The following CSGALNACT1 variants were observed in gnomAD, a reference collection of about 807,000 sequenced individuals.
CSGALNACT1 encodes the protein beta4GalNAcT-1.
Under a neutral mutation model 51.0 loss-of-function variants are expected in CSGALNACT1, and 52 were observed. The ratio of observed to expected loss-of-function variants is 1.02; its 90% CI spans 0.82 to 1.29. The LOEUF is 1.29. Ranked by LOEUF, CSGALNACT1 falls within the 50% of genes most tolerant of loss-of-function variation. The pLI, the probability that CSGALNACT1 is intolerant of heterozygous loss-of-function variation, is 0.00. For synonymous variants in CSGALNACT1, 341 were observed against 254.4 expected, an observed-to-expected ratio of 1.34 and a Z score of -3.24; for missense variants, 935 against 679.2, an observed-to-expected ratio of 1.38 and a Z score of -4.19.
At chr8:19,469,509 T>C (rs2067587164) in intron 4 of CSGALNACT1, among the ~76,000 whole-genome samples, 1 of 152,178 alleles carries the variant, frequency 6.6e-6, no homozygotes, top group South Asian at 2.1e-4. Flanking sequence ...CTGGGATAGA[T>C]TTGAAAAATG....
chr8:19,584,340 G>A (rs1278085894), intron 3 of CSGALNACT1, among the ~76,000 whole-genome samples: 2 of 152,122 alleles, frequency 1.3e-5, no homozygotes, highest in Non-Finnish European at 2.9e-5. Context: ...ACTCATACTG[G>A]GCCTTTGCAA....
At chr8:19,458,995 T>A (rs2064767212) in intron 4 of CSGALNACT1, among the ~76,000 whole-genome samples, 2 of 152,208 alleles carry the variant, frequency 1.3e-5, no homozygotes, top group African/African-American at 2.4e-5. Flanking sequence ...TTTTTTCTTT[T>A]CTTCTAGTAT....
intron 1 of CSGALNACT1, among the ~76,000 whole-genome samples, chr8:19,643,934 T>C (rs2056996139): frequency 6.6e-6 from 1 of 152,218 alleles, no homozygotes; most frequent in Non-Finnish European, 1.5e-5. Flanking sequence ...CTAGTAATTT[T>C]ACTTTGAGGA....
chr8:19,595,644 G>A (rs1464046096), intron 2 of CSGALNACT1, among the ~76,000 whole-genome samples: 2 of 151,766 alleles, frequency 1.3e-5, no homozygotes, highest in African/African-American at 2.4e-5. Flanking sequence ...GGCCAGACAT[G>A]GTGGCTCACA....
chr8:19,474,614 T>C (rs1489836851), intron 4 of CSGALNACT1, among the ~76,000 whole-genome samples: 1 of 151,932 alleles, frequency 6.6e-6, no homozygotes, highest in Admixed American at 6.6e-5. Context: ...ACACCTATAA[T>C]CCCAACACTT....
At chr8:19,632,582 A>C (rs764292994) in intron 1 of CSGALNACT1, among the ~76,000 whole-genome samples, 6 of 152,230 alleles carry the variant, frequency 3.9e-5, no homozygotes, top group Non-Finnish European at 7.3e-5. Context: ...CTTAACCCGC[A>C]GCTATCTACA....
At chr8:19,741,130 A>C (rs1009486946) in intron 1 of CSGALNACT1, among the ~76,000 whole-genome samples, 1 of 152,226 alleles carries the variant, frequency 6.6e-6, no homozygotes, top group Admixed American at 6.5e-5. Flanking sequence ...GTGGCAGTCC[A>C]GTGGCACAGA....
rs1554650175 is a variant in CSGALNACT1 at position 19,513,436 on chromosome 8, CTATATATATA to C, written c.-296-7316_-296-7307del. Among the ~76,000 whole-genome samples the C allele has an allele frequency of 2.1e-4, 17 of 81,980 alleles. 1 individual carries two copies. The highest frequency in any genetic ancestry group is 1.7e-3 in the South Asian group (4 of 2,288). 53.8% of individuals were successfully genotyped at this position (81,980 alleles called of 152,430 possible). A position where few individuals can be genotyped will look rare whatever the true frequency, so the allele number is the denominator to read the frequency against. On this transcript the variant is annotated intron_variant, in intron 3 of 9. Coordinates refer to ENST00000454498, the Ensembl canonical transcript of CSGALNACT1. The stretch of plus-strand genomic sequence containing the variant: ...TCTCACTCTCTCTCTCTCTCTCTCT[CTATATATATA>C]TATATATATATATATATTTTGTGCC...
At chr8:19,455,266 A>G (rs888759366) in intron 5 of CSGALNACT1, among the ~76,000 whole-genome samples, 1 of 152,262 alleles carries the variant, frequency 6.6e-6, no homozygotes, top group Admixed American at 6.5e-5. Context: ...TCTTTAAACA[A>G]AATATAAAAC....
intron 1 of CSGALNACT1, among the ~76,000 whole-genome samples, chr8:19,667,450 A>G (rs1460300090): frequency 6.6e-6 from 1 of 152,142 alleles, no homozygotes; most frequent in African/African-American, 2.4e-5. Flanking sequence ...AACAAAAATC[A>G]AGACATTATT....
intron 3 of CSGALNACT1, among the ~76,000 whole-genome samples, chr8:19,530,319 C>A (rs1294465298): frequency 1.1e-5 from 1 of 90,750 alleles, no homozygotes; most frequent in African/African-American, 6.0e-5. Flanking sequence ...CATACACACA[C>A]ACACACACAC....
At chr8:19,716,940 G>A (rs2062845722) in intron 1 of CSGALNACT1, among the ~76,000 whole-genome samples, 1 of 152,172 alleles carries the variant, frequency 6.6e-6, no homozygotes, top group East Asian at 1.9e-4. Flanking sequence ...CTAAGGGTCT[G>A]CAATCCTACA....
intron 4 of CSGALNACT1, among the ~76,000 whole-genome samples, chr8:19,469,788 G>A (rs986219924): frequency 6.6e-6 from 1 of 152,248 alleles, no homozygotes; most frequent in South Asian, 2.1e-4. Context: ...CCCATTCTGG[G>A]TTTTTCATCG....
At chr8:19,609,391 C>G (rs1056601055) in intron 1 of CSGALNACT1, among the ~76,000 whole-genome samples, 1 of 149,138 alleles carries the variant, frequency 6.7e-6, no homozygotes, top group African/African-American at 2.5e-5. Flanking sequence ...ATGGGAAACA[C>G]AGATGTTTCC....
intron 3 of CSGALNACT1, among the ~76,000 whole-genome samples, chr8:19,590,718 C>T (rs916295597): frequency 8.1e-5 from 11 of 135,334 alleles, no homozygotes; most frequent in South Asian, 2.4e-4. Flanking sequence ...GGCGCGATCT[C>T]GGCTCACTGC....
chr8:19,538,866 T>A (rs191422960), intron 3 of CSGALNACT1, among the ~76,000 whole-genome samples: 2 of 152,190 alleles, frequency 1.3e-5, no homozygotes, highest in Admixed American at 1.3e-4. Flanking sequence ...CCTACCAAGG[T>A]CAACCTTGCC....
intron 1 of CSGALNACT1, among the ~76,000 whole-genome samples, chr8:19,708,586 A>G (rs2062319219): frequency 6.6e-6 from 1 of 152,206 alleles, no homozygotes; most frequent in Non-Finnish European, 1.5e-5. Context: ...CACATCCTCA[A>G]GGTATGTGTG....
chr8:19,463,489 C>A (rs918844200), intron 4 of CSGALNACT1, among the ~76,000 whole-genome samples: 1 of 152,058 alleles, frequency 6.6e-6, no homozygotes, highest in African/African-American at 2.4e-5. Flanking sequence ...CACAAAGGAA[C>A]AGAGCAAACT....
intron 1 of CSGALNACT1, among the ~76,000 whole-genome samples, chr8:19,752,201 T>C (rs982281040): frequency 4.0e-5 from 6 of 148,534 alleles, no homozygotes; most frequent in African/African-American, 1.2e-4. Context: ...ATATACTATA[T>C]ATCTTATATG....
Sources: allele counts gnomAD v4.1 joint callset (sites outside exome capture counted in the v4.1 genomes callset), GRCh38; gene constraint gnomAD v4.1.1; transcripts MANE v1.5; gene names NCBI Gene and HGNC (gene_info 2026-07-23, HGNC 2026-07-21).